Variants in FBXW8 observed in about 807,000 individuals in gnomAD.
The protein encoded by FBXW8 is F-box/WD repeat-containing protein 8.
Under a neutral mutation model 65.3 loss-of-function variants are expected in FBXW8, and 57 were observed. That is an observed-to-expected ratio of 0.87 (90% CI 0.71 to 1.09). The LOEUF is 1.09. FBXW8 is among the 50% of genes least tolerant of loss of function. The pLI, the probability that FBXW8 is intolerant of heterozygous loss-of-function variation, is 0.00. For synonymous variants in FBXW8, 308 were observed against 330.2 expected (o/e 0.93, Z 0.73); for missense variants, 777 against 814.8 (o/e 0.95, Z 0.57).
intron 4 of FBXW8, among the ~76,000 whole-genome samples, chr12:116,955,786 C>T (rs544900341): frequency 6.6e-6 from 1 of 152,280 alleles, no homozygotes; most frequent in East Asian, 1.9e-4. Context: ...GTGTTGCAAT[C>T]AGATGACATC....
intron 8 of FBXW8, among the ~76,000 whole-genome samples, chr12:117,011,643 T>C (rs1291472673): frequency 6.6e-6 from 1 of 152,252 alleles, no homozygotes; most frequent in South Asian, 2.1e-4. Flanking sequence ...GGTTGAGCTA[T>C]ACAGAGGCTC....
rs1954334102 is a variant in FBXW8, at chr12:117,030,485, G to GT, written c.*2314dup. 1 of 152,196 alleles carries GT rather than the reference G, an allele frequency of 6.6e-6. No homozygotes were observed. Among genetic ancestry groups the GT allele is most frequent in the Non-Finnish European group, 1.5e-5 (1 of 68,044 alleles). The allele number at this position is 152,196 out of a possible 1,614,324, so 9.4% of individuals were successfully genotyped here. A position where few individuals can be genotyped will look rare whatever the true frequency, so the allele number is the denominator to read the frequency against. On this transcript the variant is annotated 3_prime_UTR_variant, in exon 11 of 11. Transcript: ENST00000652555. ...CCTTTCTCTCTCATAGTCTTAATGC[G>GT]TCTGGACCACTGGGGAAAATATTTT...
At chr12:116,952,153 A>T (rs544222012) in intron 4 of FBXW8, among the ~76,000 whole-genome samples, 1 of 152,300 alleles carries the variant, frequency 6.6e-6, no homozygotes, top group South Asian at 2.1e-4. Context: ...AGATACAGTC[A>T]TATGCTGCAT....
intron 1 of FBXW8, among the ~76,000 whole-genome samples, chr12:116,926,192 G>T (rs1379319557): frequency 1.3e-5 from 2 of 152,342 alleles, no homozygotes; most frequent in African/African-American, 2.4e-5. Flanking sequence ...TGAGTCTTAA[G>T]TGGAACCAAT....
chr12:117,016,473 A>G lies in FBXW8; in HGVS notation c.1367+6023A>G, dbSNP rs375267302. Among the ~76,000 whole-genome samples the G allele has an allele frequency of 3.3e-5, 5 of 150,368 alleles. No individual in the cohort carries two copies. In the South Asian group the frequency reaches 6.3e-4, roughly 19 times the overall value. ...CATTTTTTAATTGGGCTGTCTTTAT[A>G]TTATTGAGTTATTAGAGTATTTTTT... On this transcript the variant is annotated intron_variant, in intron 8 of 10. Coordinates refer to ENST00000652555, the MANE Select transcript of FBXW8 (RefSeq NM_153348.3).
At chr12:116,945,817 G>A (rs1882893698) in intron 3 of FBXW8, among the ~76,000 whole-genome samples, 1 of 152,208 alleles carries the variant, frequency 6.6e-6, no homozygotes, top group Non-Finnish European at 1.5e-5. Context: ...TCAGAGGAGT[G>A]CTCTGTGCAG....
At position 116,936,650 on chromosome 12, in the gene FBXW8, T is replaced by G. The variant is rs1882180732; in HGVS notation, c.423+8523T>G. Among the ~76,000 whole-genome samples, 1 of 152,152 alleles carries G rather than the reference T, an allele frequency of 6.6e-6. No individual in the cohort carries two copies. The highest frequency in any genetic ancestry group is 1.5e-5 in the Non-Finnish European group (1 of 68,028). ...TTCTTTCTGAAGCCTCCGGAAGGAA[T>G]GCAGCCCTGCCCACACCTTGCTTTT... On this transcript the variant is annotated intron_variant, in intron 2 of 10. Transcript: ENST00000652555. The surrounding 1 kb of genome is among the most constrained non-coding windows in gnomAD (Gnocchi z 4.6).
intron 5 of FBXW8, among the ~76,000 whole-genome samples, chr12:116,972,961 C>T (rs1395165030): frequency 6.6e-6 from 1 of 151,972 alleles, no homozygotes; most frequent in East Asian, 1.9e-4. Flanking sequence ...GGCAGTGAAA[C>T]CACACAGTAA....
chr12:116,985,833 C>T (rs1885640618), intron 6 of FBXW8: 1 of 156,102 alleles, frequency 6.4e-6, no homozygotes, highest in East Asian at 1.9e-4. Context: ...CATTCCTACA[C>T]TTTCTTCATC....
At chr12:116,977,920 G>A in intron 5 of FBXW8, 1 of 152,052 alleles carries the variant, frequency 6.6e-6, no homozygotes, top group Non-Finnish European at 1.5e-5. Flanking sequence ...TGTTCTTTCT[G>A]CTTTGAATTT....
intron 5 of FBXW8, among the ~76,000 whole-genome samples, chr12:116,971,639 A>C (rs1884654482): frequency 1.3e-5 from 2 of 152,234 alleles, no homozygotes; most frequent in Non-Finnish European, 2.9e-5. Flanking sequence ...TGGGCCTCAC[A>C]TGAGAGTCTA....
chr12:117,021,094 AC>A (rs1475219559), intron 8 of FBXW8, among the ~76,000 whole-genome samples: 1 of 152,148 alleles, frequency 6.6e-6, no homozygotes, highest in Non-Finnish European at 1.5e-5. Context: ...AGGAGTACCT[AC>A]CTGTCCATGT....
rs547464609 is a variant in FBXW8 at position 117,028,443 on chromosome 12, A to G, written c.*271A>G. 3 of 496,564 alleles carry G rather than the reference A, an allele frequency of 6.0e-6. No individual in the cohort carries two copies. Among genetic ancestry groups the G allele is most frequent in the Non-Finnish European group, 1.1e-5 (3 of 272,542 alleles). 30.8% of individuals were successfully genotyped at this position (496,564 alleles called of 1,614,324 possible). On this transcript the variant is annotated 3_prime_UTR_variant, in exon 11 of 11. Transcript: ENST00000652555. The surrounding 1 kb of genome is among the most constrained non-coding windows in gnomAD (Gnocchi z 4.1). ...TGGCCACCCTGGCCTCAGCTCCCTC[A>G]GGACGCCTCAGGGATCTCGCTGCGC...
chr12:116,936,084 A>G lies in FBXW8; in HGVS notation c.423+7957A>G, dbSNP rs140054295. On this transcript the variant is annotated intron_variant, in intron 2 of 10. Coordinates refer to ENST00000652555, the MANE Select transcript of FBXW8 (RefSeq NM_153348.3). The surrounding 1 kb of genome is among the most constrained non-coding windows in gnomAD (Gnocchi z 4.6). ...GAGTTATCAGATGGCAGTGAGTGCTATGGAGAAGAACAAGACAGTAGAGGT... is the reference window on the plus strand; with the variant it reads ...GAGTTATCAGATGGCAGTGAGTGCTGTGGAGAAGAACAAGACAGTAGAGGT... Among the ~76,000 whole-genome samples the G allele has an allele frequency of 5.3e-4, 80 of 152,348 alleles. 2 individuals carry two copies. In the East Asian group the frequency reaches 0.013, roughly 25 times the overall value.
chr12:116,929,981 G>C (rs1311500521), intron 2 of FBXW8, among the ~76,000 whole-genome samples: 1 of 152,036 alleles, frequency 6.6e-6, no homozygotes, highest in South Asian at 2.1e-4. Flanking sequence ...ATGCCCTCTA[G>C]GTTCATCCAC....
intron 8 of FBXW8, among the ~76,000 whole-genome samples, chr12:117,015,484 T>C (rs1282206360): frequency 6.6e-6 from 1 of 152,162 alleles, no homozygotes; most frequent in Non-Finnish European, 1.5e-5. Flanking sequence ...TCCTATTCTG[T>C]AGCTCTCAGG....
At chr12:117,004,241 T>C (rs1041877065) in intron 7 of FBXW8, among the ~76,000 whole-genome samples, 2 of 152,258 alleles carry the variant, frequency 1.3e-5, no homozygotes, top group Non-Finnish European at 2.9e-5. Flanking sequence ...ATCTGCTTAA[T>C]CCGATTTCCT....
At chr12:116,948,884 A>T (rs1375232889) in intron 3 of FBXW8, 3 of 152,226 alleles carry the variant, frequency 2.0e-5, no homozygotes, top group Non-Finnish European at 4.4e-5. Flanking sequence ...CCTCTCAAAT[A>T]GTTGGGACTA....
intron 7 of FBXW8, among the ~76,000 whole-genome samples, chr12:117,003,632 G>T (rs1300449701): frequency 6.6e-6 from 1 of 152,120 alleles, no homozygotes; most frequent in Non-Finnish European, 1.5e-5. Context: ...ATAAGGACTT[G>T]GTCACAAGTG....
Sources: gnomAD v4.1 joint callset for allele counts (sites outside exome capture counted in the v4.1 genomes callset) on GRCh38, gnomAD v4.1.1 for gene constraint, Gnocchi (gnomAD v3.1) non-coding constraint, MANE v1.5 for transcripts, NCBI Gene and HGNC (gene_info 2026-07-23, HGNC 2026-07-21) for gene names.